Variants in DEFB109B observed in about 807,000 individuals in gnomAD.
DEFB109B encodes beta-defensin 109B.
At chr8:7,315,581 T>A (rs1411628273) in intron 1 of DEFB109B, among the ~76,000 whole-genome samples, 1 of 130,322 alleles carries the variant, frequency 7.7e-6, no homozygotes, top group Non-Finnish European at 1.5e-5. Flanking sequence ...AGTGAGTGAA[T>A]GAGAGTGAGT....
intron 1 of DEFB109B, among the ~76,000 whole-genome samples, chr8:7,315,389 C>T (rs1411880154): frequency 2.2e-5 from 3 of 137,444 alleles, no homozygotes; most frequent in Non-Finnish European, 4.4e-5. Context: ...GTCCCAGCTA[C>T]TCGGGAGGCT....
At chr8:7,315,680 C>A (rs890566747) in intron 1 of DEFB109B, among the ~76,000 whole-genome samples, 2 of 133,672 alleles carry the variant, frequency 1.5e-5, no homozygotes, top group Non-Finnish European at 3.0e-5. Flanking sequence ...TCCTTCTTAT[C>A]TCCATCAAGG....
exon 2 of DEFB109B, chr8:7,319,831 T>A (rs1221178373): frequency 8.8e-6 from 1 of 113,540 alleles, no homozygotes; most frequent in African/African-American, 4.8e-5. Context: ...TAGTAGAAGA[T>A]CAAATTGGTG....
chr8:7,319,196 G>C (rs1388227312), intron 1 of DEFB109B: 1 of 121,846 alleles, frequency 8.2e-6, no homozygotes, highest in Non-Finnish European at 1.6e-5. Flanking sequence ...GAGGGTTCAA[G>C]GGACCATTTA....
chr8:7,318,920 C>CT (rs1347261308), intron 1 of DEFB109B: 13 of 146,248 alleles, frequency 8.9e-5, no homozygotes, highest in Non-Finnish European at 1.8e-4. Context: ...GTCAAAAACA[C>CT]TTTTTTCTAA....
chr8:7,315,495 T>G (rs1475891730), intron 1 of DEFB109B, among the ~76,000 whole-genome samples: 1 of 46,516 alleles, frequency 2.1e-5, no homozygotes, highest in South Asian at 4.8e-4. Context: ...TGAGACTCCG[T>G]CAAAAAAAAA....
At position 7,318,947 on chromosome 8, in the gene DEFB109B, C is replaced by T. The variant is rs1386105148; in HGVS notation, n.59-799C>T. On this transcript the variant is annotated intron_variant and non_coding_transcript_variant, in intron 1 of 1. Coordinates refer to ENST00000382656, the Ensembl canonical transcript of DEFB109B. ...TTTTTCTAACTAATCTATTCTATGA[C>T]TAAGACACTATTAGCAATTAAAGTA... is the stretch of plus-strand genomic sequence containing the variant. The T allele has an allele frequency of 3.5e-4, 51 of 146,030 alleles. 8 individuals carry two copies. The highest frequency in any genetic ancestry group is 1.4e-3 in the African/African-American group (49 of 35,734). The allele number at this position is 146,030 out of a possible 1,614,324, so 9.0% of individuals were successfully genotyped here. A position where few individuals can be genotyped will look rare whatever the true frequency, so the allele number is the denominator to read the frequency against.
At chr8:7,312,949 T>C (rs1802701495) in intron 1 of DEFB109B, 46 bp downstream of exon 1, 1 of 136,250 alleles carries the variant, frequency 7.3e-6, no homozygotes, top group Admixed American at 6.8e-5. Context: ...ATGAGAATGC[T>C]ATATCCCTGG....
intron 1 of DEFB109B, among the ~76,000 whole-genome samples, chr8:7,315,725 G>A (rs1219938658): frequency 7.2e-6 from 1 of 139,754 alleles, no homozygotes; most frequent in East Asian, 2.0e-4. Context: ...TGCAACTCAG[G>A]TACACACAAA....
upstream of DEFB109B, among the ~76,000 whole-genome samples, chr8:7,309,679 A>C (rs200716959): frequency 0.081 from 10,354 of 127,154 alleles, 134 homozygotes; most frequent in African/African-American, 0.26. Context: ...TCTGTGTAGG[A>C]CTTATTGCTT....
At chr8:7,313,042 G>A (rs2128805165) in intron 1 of DEFB109B, 139 bp downstream of exon 1, 1 of 131,018 alleles carries the variant, frequency 7.6e-6, no homozygotes, top group Non-Finnish European at 1.5e-5. Context: ...GGGAAAAATA[G>A]AAAAGAGACT....
At position 7,319,173 on chromosome 8, in the gene DEFB109B, A is replaced by G. The variant is rs565591692; in HGVS notation, n.59-573A>G. On this transcript the variant is annotated intron_variant and non_coding_transcript_variant, in intron 1 of 1. Coordinates refer to ENST00000382656, the Ensembl canonical transcript of DEFB109B. ...ATATATAGATAGTTATGTACAAACC[A>G]AAATAGCACTGGGAGGGTTCAAGGG... 11 of 132,310 alleles carry G rather than the reference A, an allele frequency of 8.3e-5. No individual in the cohort carries two copies. The East Asian group carries it at 2.2e-3, about 27-fold the overall frequency. 8.2% of individuals were successfully genotyped at this position (132,310 alleles called of 1,614,324 possible). A position where few individuals can be genotyped will look rare whatever the true frequency, so the allele number is the denominator to read the frequency against.
Position 7,313,610 on chromosome 8 carries a change from A to G in DEFB109B, n.58+707A>G, listed in dbSNP as rs552327055. On this transcript the variant is annotated intron_variant and non_coding_transcript_variant, in intron 1 of 1. Coordinates refer to ENST00000382656, the Ensembl canonical transcript of DEFB109B. ...GTGCTGCTCAAGGTATATTACAGGT[A>G]ACCACACAGAAATGGGTAACATAAC... Among the ~76,000 whole-genome samples, 15 of 145,888 alleles carry G rather than the reference A, an allele frequency of 1.0e-4. No individual in the cohort carries two copies. In the South Asian group the frequency reaches 3.1e-3, roughly 30 times the overall value.
rs1426108510 is a variant in DEFB109B, at chr8:7,315,255, C to A, written n.58+2352C>A. On this transcript the variant is annotated intron_variant and non_coding_transcript_variant, in intron 1 of 1. Coordinates refer to ENST00000382656, the Ensembl canonical transcript of DEFB109B. ...TAGTGGGGCCACACGCGGTGGCTCA[C>A]GCCTGTAATCCCAGCACTTTGGGAG... 2.4e-5 allele frequency among the ~76,000 whole-genome samples: 3 copies of A among 122,854 alleles called. No individual in the cohort carries two copies. The East Asian group carries it at 6.5e-4, about 27-fold the overall frequency. The allele number at this position is 122,854 out of a possible 152,430, so 80.6% of individuals were successfully genotyped here.
intron 1 of DEFB109B, among the ~76,000 whole-genome samples, chr8:7,315,511 A>AG (rs766070328): frequency 0.031 from 4,151 of 133,810 alleles, 166 homozygotes; most frequent in Middle Eastern, 0.098. Context: ...AAAAAAAAAA[A>AG]AAGAAGAAGA....
intron 1 of DEFB109B, among the ~76,000 whole-genome samples, chr8:7,313,378 TG>T (rs1323988974): frequency 1.4e-5 from 2 of 140,004 alleles, no homozygotes; most frequent in East Asian, 4.0e-4. Flanking sequence ...TCTAAATGGG[TG>T]TTGACAAATC....
upstream of DEFB109B, among the ~76,000 whole-genome samples, chr8:7,310,485 A>C (rs1458181375): frequency 1.6e-5 from 2 of 122,272 alleles, no homozygotes; most frequent in Non-Finnish European, 3.1e-5. Context: ...GTTGGTGGTG[A>C]CTTTGGAAGG....
At chr8:7,319,341 T>C (rs1803164914) in intron 1 of DEFB109B, 1 of 144,432 alleles carries the variant, frequency 6.9e-6, no homozygotes, top group South Asian at 2.1e-4. Context: ...GCCAGAAACA[T>C]CTTTTTTGGC....
At chr8:7,319,629 T>A (rs1001404474) in intron 1 of DEFB109B, 117 bp from the exon 2 acceptor site, 1 of 143,424 alleles carries the variant, frequency 7.0e-6, no homozygotes, top group African/African-American at 3.1e-5. Context: ...GCAGCAACCA[T>A]GTCAAGAGCT....
Sources: gnomAD v4.1 joint callset for allele counts (sites outside exome capture counted in the v4.1 genomes callset) on GRCh38, gnomAD v4.1.1 for gene constraint, MANE v1.5 for transcripts, NCBI Gene and HGNC (gene_info 2026-07-23, HGNC 2026-07-21) for gene names.